GRIN2B: variants seen among roughly 807,000 people sequenced by gnomAD.
The protein encoded by GRIN2B is glutamate ionotropic receptor NMDA type subunit 2B, also known as glutamate receptor ionotropic, NMDA 2B.
In GRIN2B, 5 loss-of-function variants were observed where a neutral mutation model predicts 114.5. The ratio of observed to expected loss-of-function variants is 0.04; its 90% CI spans 0.02 to 0.09. The LOEUF (loss-of-function observed/expected upper bound fraction) is 0.09. GRIN2B is among the 10% of genes least tolerant of loss of function. GRIN2B has a pLI of 1.00. For missense variants in GRIN2B, 1,108 were observed against 1,943.5 expected (o/e 0.57, Z 8.08); for synonymous variants, 787 against 745.1 (o/e 1.06, Z -0.92).
intron 4 of GRIN2B, among the ~76,000 whole-genome samples, chr12:13,736,905 C>G (rs949241591): frequency 2.0e-5 from 3 of 151,638 alleles, no homozygotes; most frequent in East Asian, 4.0e-4. Context: ...CCTGTAGCGC[C>G]TATAATCCCA....
Position 13,615,679 on chromosome 12 carries a change from A to C in GRIN2B, c.1329-15T>G, listed in dbSNP as rs1326741781. 6.2e-7 allele frequency: 1 copy of C among 1,607,436 alleles called. No individual in the cohort carries two copies. The highest frequency in any genetic ancestry group is 1.1e-5 in the South Asian group (1 of 90,988). On this transcript the variant is annotated splice_polypyrimidine_tract_variant and intron_variant, in intron 6 of 13. Coordinates refer to ENST00000609686, the MANE Select transcript of GRIN2B (RefSeq NM_000834.5). The surrounding 1 kb of genome is among the most constrained non-coding windows in gnomAD (Gnocchi z 5.8). ...CTGTTTTATTCCTAGCCAATTAAAGAAACAAAAACAAACAAACAAAAAAGT... is the reference window on the plus strand; with the variant it reads ...CTGTTTTATTCCTAGCCAATTAAAGCAACAAAAACAAACAAACAAAAAAGT...
In GRIN2B at chr12:13,547,981, A is replaced by ATATATATATATATAT; in HGVS notation, c.*14801_*14802insATATATATATATATA. On this transcript the variant is annotated 3_prime_UTR_variant, in exon 14 of 14. Coordinates refer to ENST00000609686, the MANE Select transcript of GRIN2B (RefSeq NM_000834.5). Reference sequence around the variant, plus strand: ...TGTGTATATATATATATATATATATATTTTTTTTTTTTTTCTGAAAGCTAC... The same window carrying ATATATATATATATAT: ...TGTGTATATATATATATATATATATATATATATATATATATTTTTTTTTTTTTTTCTGAAAGCTAC... 1.5e-5 allele frequency: 1 copy of ATATATATATATATAT among 68,578 alleles called. No individual in the cohort carries two copies. Among genetic ancestry groups the ATATATATATATATAT allele is most frequent in the East Asian group, 5.7e-4 (1 of 1,748 alleles). The allele number at this position is 68,578 out of a possible 1,614,324, so 4.2% of individuals were successfully genotyped here.
intron 3 of GRIN2B, among the ~76,000 whole-genome samples, chr12:13,812,914 T>C (rs112532338): frequency 0.022 from 3,273 of 150,166 alleles, 139 homozygotes; most frequent in African/African-American, 0.076. Flanking sequence ...AGGTAAGTAA[T>C]TGGGAAGTTT....
intron 9 of GRIN2B, among the ~76,000 whole-genome samples, chr12:13,611,063 A>G (rs1163353100): frequency 6.6e-6 from 1 of 152,162 alleles, no homozygotes; most frequent in Non-Finnish European, 1.5e-5. Context: ...AATCATGTGA[A>G]CTTTTAAAAA....
At chr12:13,923,731 G>A (rs1479559909) in intron 2 of GRIN2B, among the ~76,000 whole-genome samples, 1 of 152,050 alleles carries the variant, frequency 6.6e-6, no homozygotes, top group Non-Finnish European at 1.5e-5. Context: ...CTTTGCTTGG[G>A]GCTAAAAGAA....
intron 2 of GRIN2B, among the ~76,000 whole-genome samples, chr12:13,923,890 T>C (rs959148481): frequency 5.3e-5 from 8 of 152,164 alleles, no homozygotes; most frequent in African/African-American, 1.9e-4. Context: ...ACTGTCTCCA[T>C]GACAACTCAC....
Position 13,841,967 on chromosome 12 carries a change from T to C in GRIN2B, c.411+23831A>G, listed in dbSNP as rs192317820. Among the ~76,000 whole-genome samples, 734 of 152,210 alleles carry C rather than the reference T, an allele frequency of 4.8e-3. 3 individuals are homozygous for C. The highest frequency in any genetic ancestry group is 0.014 in the South Asian group (65 of 4,802). On this transcript the variant is annotated intron_variant, in intron 3 of 13. Coordinates refer to ENST00000609686, the MANE Select transcript of GRIN2B (RefSeq NM_000834.5). The stretch of plus-strand genomic sequence containing the variant: ...CATCATGCCACCACTGCCACTATCA[T>C]TATAAAATAATTAGTCTGCAAATTG...
chr12:13,589,557 T>C (rs1948976829), intron 10 of GRIN2B, among the ~76,000 whole-genome samples: 1 of 152,234 alleles, frequency 6.6e-6, no homozygotes, highest in African/African-American at 2.4e-5. Context: ...CTGATTTTCC[T>C]GTACTCTATT....
At chr12:13,750,840 T>C (rs1863472404) in intron 4 of GRIN2B, among the ~76,000 whole-genome samples, 1 of 152,116 alleles carries the variant, frequency 6.6e-6, no homozygotes, top group African/African-American at 2.4e-5. Flanking sequence ...GTCACTACTC[T>C]CACAGAGCTC....
chr12:13,895,512 A>C (rs1866337210), intron 2 of GRIN2B, among the ~76,000 whole-genome samples: 2 of 152,192 alleles, frequency 1.3e-5, no homozygotes, highest in African/African-American at 4.8e-5. Flanking sequence ...TAGAGGCTAA[A>C]GCACGTCTGT....
At chr12:13,708,593 G>C (rs1950384146) in intron 4 of GRIN2B, among the ~76,000 whole-genome samples, 1 of 151,878 alleles carries the variant, frequency 6.6e-6, no homozygotes, top group Non-Finnish European at 1.5e-5. Flanking sequence ...AAGAGGAGAG[G>C]AGACATTGAA....
chr12:13,905,405 T>C (rs1392273263), intron 2 of GRIN2B, among the ~76,000 whole-genome samples: 3 of 152,234 alleles, frequency 2.0e-5, no homozygotes, highest in Non-Finnish European at 4.4e-5. Flanking sequence ...TTTACAAATC[T>C]TCAAAAATAC....
At chr12:13,783,652 G>A (rs1193256519) in intron 3 of GRIN2B, among the ~76,000 whole-genome samples, 1 of 152,140 alleles carries the variant, frequency 6.6e-6, no homozygotes, top group East Asian at 1.9e-4. Flanking sequence ...CAGAGAAATT[G>A]ATGAAGGTCT....
chr12:13,650,624 A>C (rs1199483835), intron 5 of GRIN2B, among the ~76,000 whole-genome samples: 1 of 152,012 alleles, frequency 6.6e-6, no homozygotes, highest in Non-Finnish European at 1.5e-5. Flanking sequence ...AAAAAGTCCC[A>C]CCTCATTCAG....
At chr12:13,839,281 T>C (rs1449595827) in intron 3 of GRIN2B, among the ~76,000 whole-genome samples, 2 of 152,094 alleles carry the variant, frequency 1.3e-5, no homozygotes, top group African/African-American at 2.4e-5. Flanking sequence ...GGGAGACAGG[T>C]TGGATCAGGG....
intron 3 of GRIN2B, among the ~76,000 whole-genome samples, chr12:13,798,541 C>A (rs1398564341): frequency 6.6e-6 from 1 of 151,960 alleles, no homozygotes; most frequent in Non-Finnish European, 1.5e-5. Context: ...ACAACATACC[C>A]CAAAATATAC....
At chr12:13,767,708 T>C (rs1314129647) in intron 3 of GRIN2B, among the ~76,000 whole-genome samples, 1 of 152,166 alleles carries the variant, frequency 6.6e-6, no homozygotes, top group East Asian at 1.9e-4. Flanking sequence ...GGGTTAAGTT[T>C]GCAAGTTAGT....
intron 10 of GRIN2B, among the ~76,000 whole-genome samples, chr12:13,591,421 A>G (rs1035085592): frequency 3.9e-5 from 6 of 152,224 alleles, no homozygotes; most frequent in African/African-American, 1.4e-4. Context: ...TCTAAGCTTT[A>G]CAAAGAGTAA....
chr12:13,890,522 G>T (rs553873435), intron 2 of GRIN2B, among the ~76,000 whole-genome samples: 40 of 152,252 alleles, frequency 2.6e-4, no homozygotes, highest in Non-Finnish European at 3.1e-4. Context: ...TTCAGGAGAG[G>T]TTCAGTGGCA....
Sources: gnomAD v4.1 joint callset for allele counts (sites outside exome capture counted in the v4.1 genomes callset) on GRCh38, gnomAD v4.1.1 for gene constraint, Gnocchi (gnomAD v3.1) non-coding constraint, MANE v1.5 for transcripts, NCBI Gene and HGNC (gene_info 2026-07-23, HGNC 2026-07-21) for gene names.